The following KRT20 variants were observed in gnomAD, a reference collection of about 807,000 sequenced individuals.
KRT20 encodes the protein keratin 20.
Under a neutral mutation model 43.0 loss-of-function variants are expected in KRT20, and 41 were observed. The observed-to-expected ratio is 0.95, with a 90% CI of 0.74 to 1.24. The LOEUF (loss-of-function observed/expected upper bound fraction) is 1.24, where lower values mean the gene tolerates loss of function less well. Among genes scored for constraint, KRT20 ranks in the 50% most tolerant of loss-of-function variants. The pLI is 0.00. For missense variants in KRT20, 533 were observed against 521.2 expected, an observed-to-expected ratio of 1.02 and a Z score of -0.22; for synonymous variants, 207 against 200.6, an observed-to-expected ratio of 1.03 and a Z score of -0.27.
chr17:40,884,040 A>C (rs577003914), intron 1 of KRT20, among the ~76,000 whole-genome samples: 10 of 152,372 alleles, frequency 6.6e-5, no homozygotes, highest in African/African-American at 2.4e-4. Context: ...ATTTGAAGCA[A>C]GTGCTCTGTG....
At chr17:40,880,508 C>A in intron 3 of KRT20, 106 bp downstream of exon 3, 2 of 963,756 alleles carry the variant, frequency 2.1e-6, no homozygotes, top group South Asian at 1.6e-5. Flanking sequence ...CTGTCACTAT[C>A]ACCACCAACT....
chr17:40,880,365 A>C, intron 3 of KRT20, 104 bp from the exon 4 acceptor site: 1 of 1,096,290 alleles, frequency 9.1e-7, no homozygotes, highest in African/African-American at 1.6e-5. Flanking sequence ...CATTGGGAAT[A>C]AGTAAAAAAG....
At chr17:40,880,461 G>A (rs1485188844) in intron 3 of KRT20, among the ~76,000 whole-genome samples, 153 bp downstream of exon 3, 1 of 152,160 alleles carries the variant, frequency 6.6e-6, no homozygotes, top group Non-Finnish European at 1.5e-5. Context: ...ATGAAAAGAA[G>A]GTAGGGCTTG....
intron 2 of KRT20, 142 bp downstream of exon 2, chr17:40,882,430 C>T (rs1907637323): frequency 2.9e-6 from 1 of 339,204 alleles, no homozygotes; most frequent in Non-Finnish European, 5.6e-6. Flanking sequence ...ATACATGTAG[C>T]TTCTAACCTC....
rs1907763536 is a variant in KRT20, at chr17:40,885,191, A to T, written c.-6T>A. 6.3e-7 allele frequency: 1 copy of T among 1,589,226 alleles called. No homozygotes were observed. Among genetic ancestry groups the T allele is most frequent in the East Asian group, 2.3e-5 (1 of 44,408 alleles). ...CTTCTGCGACTGAAATCCATTGGAG[A>T]TTCCAGGAGGGAGCACCTGTAGCTT... On this transcript the variant is annotated 5_prime_UTR_variant, in exon 1 of 8. Coordinates refer to ENST00000167588, the MANE Select transcript of KRT20 (RefSeq NM_019010.3).
intron 6 of KRT20, among the ~76,000 whole-genome samples, chr17:40,877,751 C>T (rs368174677): frequency 6.6e-6 from 1 of 152,188 alleles, no homozygotes; most frequent in African/African-American, 2.4e-5. Context: ...TGCTGCCACA[C>T]TTATGATTCT....
chr17:40,878,325 C>CCAAGGCCA lies in KRT20; in HGVS notation c.958_959insTGGCCTTG (p.Arg320LeufsTer9), dbSNP rs1907439745. The CCAAGGCCA allele has an allele frequency of 6.2e-7, 1 of 1,613,898 alleles. No homozygotes were observed. The highest frequency in any genetic ancestry group is 1.1e-5 in the South Asian group (1 of 91,082). On this transcript the variant is annotated frameshift_variant, in exon 6 of 8. Coordinates refer to ENST00000167588, the MANE Select transcript of KRT20 (RefSeq NM_019010.3). LOFTEE classifies it high-confidence loss of function. The stretch of plus-strand genomic sequence containing the variant: ...GAGGTTGGCTAACTGGCTGCTGTAA[C>CCAAGGCCA]GGGCCTTGGTCTCCTCTAGAGTGTG...
rs148876476 is a variant in KRT20, at chr17:40,880,643, G to A, written c.601C>T (p.Leu201=). The A allele has an allele frequency of 1.2e-6, 2 of 1,613,174 alleles. No individual in the cohort carries two copies. Among genetic ancestry groups the A allele is most frequent in the East Asian group, 2.2e-5 (1 of 44,824 alleles). ...TGATGCTCCTTTTTGAGGAGAGCTA[G>A]GTCTTTATTCAGTTCTTCAATTTGA... The part of the protein sequence containing the change: ...EIQIEELNKD[L]ALLKKEHQEE... The change falls in exon 3 of 8, where the codon CTA becomes TTA. Residue 201 remains leucine (L), a synonymous_variant. Coordinates refer to ENST00000167588, the MANE Select transcript of KRT20 (RefSeq NM_019010.3).
At position 40,884,924 on chromosome 17, in the gene KRT20, C is replaced by T. The variant is rs1396320324; in HGVS notation, c.262G>A (p.Val88Met). The change falls in exon 1 of 8, where the codon GTG becomes ATG. Residue 88 changes from valine to methionine, a missense_variant. Val to Met is a conservative substitution (Grantham distance 21). Transcript: ENST00000167588. ...NDRLASYLEK[V>M]RTLEQSNSKL... ...GAGTTGGACTGCTCCAGGGTCCGCA[C>T]CTTTTCTAGGTAGCTCGCTAGACGG... is the stretch of plus-strand genomic sequence containing the variant. 5 of 1,614,084 alleles carry T rather than the reference C, an allele frequency of 3.1e-6. No homozygotes were observed. The East Asian group carries it at 1.1e-4, about 36-fold the overall frequency.
At position 40,884,888 on chromosome 17, in the gene KRT20, C is replaced by T; in HGVS notation, c.298G>A (p.Val100Met). ...TLEQSNSKLE[V>M]QIKQWYETNA... ...GTTTCGTACCACTGCTTGATTTGCA[C>T]TTCAAGTTTGGAGTTGGACTGCTCC... Residue 100 changes from valine to methionine, a missense_variant, in exon 1 of 8, where the codon GTG becomes ATG. Transcript: ENST00000167588. 1 of 1,614,230 alleles carries T rather than the reference C, an allele frequency of 6.2e-7. No individual in the cohort carries two copies.
chr17:40,881,865 T>A (rs768777546), intron 2 of KRT20, among the ~76,000 whole-genome samples: 4 of 103,980 alleles, frequency 3.8e-5, no homozygotes, highest in Non-Finnish European at 7.1e-5. Context: ...TCTTTTTCTT[T>A]TCTTTCTTTC....
At position 40,878,263 on chromosome 17, in the gene KRT20, G is replaced by GCA; in HGVS notation, c.1019_1020dup (p.Gln341CysfsTer20). On this transcript the variant is annotated frameshift_variant, in exon 6 of 8. Coordinates refer to ENST00000167588, the MANE Select transcript of KRT20 (RefSeq NM_019010.3). LOFTEE classifies it high-confidence loss of function. ...TGGCGTTCCATGTTACTCCGAATCT[G>GCA]CATCAGTTGGGCCTCCAGAGAGCTC... 1 of 1,614,110 alleles carries GCA rather than the reference G, an allele frequency of 6.2e-7. No homozygotes were observed.
Position 40,877,381 on chromosome 17 carries a change from T to C in KRT20, c.1176A>G (p.Arg392=). ...TEYQLSTLEE[R]DIKKTRKIKT... is the part of the protein sequence containing the mutation. Reference sequence around the variant, plus strand: ...AATGTGCAAAAATTTAGAACTTACCTCTCTCTTCCAGGGTGCTTAACTGAT... The same window carrying C: ...AATGTGCAAAAATTTAGAACTTACCCCTCTCTTCCAGGGTGCTTAACTGAT... Residue 392 remains arginine, a splice_region_variant and synonymous_variant, in exon 7 of 8, where the codon AGA becomes AGG. Coordinates refer to ENST00000167588, the MANE Select transcript of KRT20 (RefSeq NM_019010.3). 2 of 1,531,792 alleles carry C rather than the reference T, an allele frequency of 1.3e-6. No homozygotes were observed. Among genetic ancestry groups the C allele is most frequent in the Non-Finnish European group, 1.7e-6 (2 of 1,147,638 alleles). 94.9% of individuals were successfully genotyped at this position (1,531,792 alleles called of 1,614,324 possible).
chr17:40,879,030 A>T (rs1907472254), intron 5 of KRT20, among the ~76,000 whole-genome samples: 1 of 152,126 alleles, frequency 6.6e-6, no homozygotes, highest in East Asian at 1.9e-4. Context: ...CAACCTCCTG[A>T]CCTCAAATGA....
At chr17:40,883,019 A>C (rs1006233988) in intron 1 of KRT20, among the ~76,000 whole-genome samples, 3 of 152,202 alleles carry the variant, frequency 2.0e-5, no homozygotes, top group Middle Eastern at 3.4e-3. Flanking sequence ...CAAGAATGAC[A>C]TTTTCAACTG....
intron 2 of KRT20, among the ~76,000 whole-genome samples, chr17:40,881,238 T>C (rs1907583876): frequency 6.6e-6 from 1 of 151,478 alleles, no homozygotes; most frequent in Non-Finnish European, 1.5e-5. Context: ...TGTGTGTGTG[T>C]GTGTGTGTGT....
chr17:40,877,474 G>T, intron 6 of KRT20, 57 bp from the exon 7 acceptor site: 2 of 1,161,620 alleles, frequency 1.7e-6, no homozygotes, highest in Non-Finnish European at 2.4e-6. Context: ...CATTATTGCT[G>T]TTTTGAAAAT....
At chr17:40,876,672 A>C (rs1907360699) in intron 7 of KRT20, among the ~76,000 whole-genome samples, 1 of 152,224 alleles carries the variant, frequency 6.6e-6, no homozygotes, top group Admixed American at 6.5e-5. Flanking sequence ...ACTCTTAAAA[A>C]TTCAAGAAAT....
intron 2 of KRT20, among the ~76,000 whole-genome samples, chr17:40,881,081 G>C (rs937973059): frequency 1.3e-5 from 2 of 151,944 alleles, no homozygotes; most frequent in Admixed American, 1.3e-4. Context: ...GTTGGCAAAG[G>C]GTTCTTATTA....
Sources: gnomAD v4.1 joint callset for allele counts (sites outside exome capture counted in the v4.1 genomes callset) on GRCh38, gnomAD v4.1.1 for gene constraint, MANE v1.5 for transcripts, NCBI Gene and HGNC (gene_info 2026-07-23, HGNC 2026-07-21) for gene names.